The following OC90 variants were observed in gnomAD, a reference collection of about 807,000 sequenced individuals.
The protein encoded by OC90 is otoconin 90.
OC90 carries 46 observed loss-of-function variants against 47.3 expected under a neutral mutation model. The observed-to-expected ratio is 0.97, with a 90% CI of 0.77 to 1.24. The LOEUF (loss-of-function observed/expected upper bound fraction) is 1.24, where lower values mean the gene tolerates loss of function less well. Ranked by LOEUF, OC90 falls within the 50% of genes most tolerant of loss-of-function variation. OC90 has a pLI of 0.00. For missense variants in OC90, 688 were observed against 583.9 expected (o/e 1.18, Z -1.84); for synonymous variants, 271 against 219.5 (o/e 1.23, Z -2.07).
chr8:132,032,987 G>A, intron 11 of OC90, 52 bp downstream of exon 11: 1 of 1,582,542 alleles, frequency 6.3e-7, no homozygotes, highest in South Asian at 1.2e-5. Context: ...ATTGTTCACA[G>A]CCTCACCAAA....
At chr8:132,055,404 T>C (rs1823268939) in intron 1 of OC90, among the ~76,000 whole-genome samples, 2 of 152,190 alleles carry the variant, frequency 1.3e-5, no homozygotes, top group South Asian at 4.1e-4. Context: ...GGATTGAGGA[T>C]CCAGGAGTGC....
chr8:132,024,424 G>A lies in OC90; in HGVS notation c.*57C>T. On this transcript the variant is annotated 3_prime_UTR_variant, in exon 14 of 14. Coordinates refer to ENST00000254627, the MANE Select transcript of OC90 (RefSeq NM_001080399.3). Reference sequence around the variant, plus strand: ...GACAGAGGAGGCTGAGAGATAAAGAGCTGAAGGTGGAGCAGGAGCCACGCT... The same window carrying A: ...GACAGAGGAGGCTGAGAGATAAAGAACTGAAGGTGGAGCAGGAGCCACGCT... 1 of 1,327,404 alleles carries A rather than the reference G, an allele frequency of 7.5e-7. No individual in the cohort carries two copies. The highest frequency in any genetic ancestry group is 1.4e-5 in the South Asian group (1 of 69,222). 82.2% of individuals were successfully genotyped at this position (1,327,404 alleles called of 1,614,324 possible).
rs558668383 is a variant in OC90 at position 132,036,789 on chromosome 8, A to G, written c.679+649T>C. Among the ~76,000 whole-genome samples the G allele has an allele frequency of 2.4e-4, 37 of 152,338 alleles. No homozygotes were observed. The East Asian group carries it at 6.8e-3, about 28-fold the overall frequency. On this transcript the variant is annotated intron_variant, in intron 9 of 13. Coordinates refer to ENST00000254627, the MANE Select transcript of OC90 (RefSeq NM_001080399.3). ...TTAGACAATTCATCTCTGAATCTCG[A>G]TCACCTGTCTTAAAATGGAGGCTGT...
At chr8:132,026,227 G>A (rs564181265) in intron 13 of OC90, among the ~76,000 whole-genome samples, 2 of 152,054 alleles carry the variant, frequency 1.3e-5, no homozygotes, top group African/African-American at 2.4e-5. Flanking sequence ...ATCTTTGAAG[G>A]TTCTACACAT....
At chr8:132,050,354 G>A (rs890988871) in intron 2 of OC90, among the ~76,000 whole-genome samples, 1 of 152,144 alleles carries the variant, frequency 6.6e-6, no homozygotes, top group Non-Finnish European at 1.5e-5. Context: ...GATCCATGAA[G>A]ACTTGTTCAC....
chr8:132,031,891 C>A lies in OC90; in HGVS notation c.1021G>T (p.Asp341Tyr). ...GQEGRGEPRD[D>Y]LDRCCLSHHC... is the part of the protein sequence containing the mutation. ...GCTGGCTCTCCATACCTGTCTAGGT[C>A]ATCCCTTGGCTCGCCTCTTCCTTCT... is the stretch of plus-strand genomic sequence containing the variant. Residue 341 changes from aspartate (D) to tyrosine (Y), a missense_variant, in exon 12 of 14, where the codon GAC becomes TAC. Asp to Tyr is a radical substitution (Grantham distance 160). Transcript: ENST00000254627. The A allele has an allele frequency of 6.2e-7, 1 of 1,613,818 alleles. No individual in the cohort carries two copies. The highest frequency in any genetic ancestry group is 1.3e-5 in the African/African-American group (1 of 75,054).
intron 13 of OC90, 107 bp from the exon 14 acceptor site, chr8:132,024,883 C>A (rs1227262630): frequency 3.3e-6 from 3 of 916,406 alleles, no homozygotes; most frequent in African/African-American, 3.3e-5. Flanking sequence ...CCCCATCTTC[C>A]ACACACCTTC....
intron 2 of OC90, among the ~76,000 whole-genome samples, chr8:132,047,321 CA>C (rs1823146934): frequency 7.7e-6 from 1 of 130,294 alleles, no homozygotes; most frequent in Non-Finnish European, 1.6e-5. Context: ...TAAGTCAGCT[CA>C]CTTTTTTTTT....
intron 13 of OC90, among the ~76,000 whole-genome samples, chr8:132,026,037 T>C (rs1440397943): frequency 6.6e-6 from 1 of 152,248 alleles, no homozygotes; most frequent in Non-Finnish European, 1.5e-5. Flanking sequence ...TTTCAGTTAA[T>C]ACGTTTGAAT....
chr8:132,038,658 G>A, intron 8 of OC90, 132 bp downstream of exon 8: 1 of 732,738 alleles, frequency 1.4e-6, no homozygotes, highest in Non-Finnish European at 2.4e-6. Flanking sequence ...GCCAGAGAAG[G>A]CAGGACCACT....
intron 2 of OC90, among the ~76,000 whole-genome samples, chr8:132,046,279 A>G (rs1823132019): frequency 6.6e-6 from 1 of 152,052 alleles, no homozygotes; most frequent in Non-Finnish European, 1.5e-5. Flanking sequence ...ATATAATAAT[A>G]GAGAATAAGG....
At chr8:132,045,732 G>C in intron 3 of OC90, 86 bp downstream of exon 3, 1 of 758,942 alleles carries the variant, frequency 1.3e-6, no homozygotes, top group Non-Finnish European at 2.3e-6. Flanking sequence ...GTGGCTCTAG[G>C]GTGTATTCAG....
chr8:132,024,791 G>A lies in OC90; in HGVS notation c.1139-15C>T. On this transcript the variant is annotated splice_polypyrimidine_tract_variant and intron_variant, in intron 13 of 13. Transcript: ENST00000254627. ...TTGGCCCCCACCTTAGAAGGAAAGA[G>A]CAGAGTAGAAGCCATGAGACCTCTG... 1 of 1,602,860 alleles carries A rather than the reference G, an allele frequency of 6.2e-7. No homozygotes were observed. Among genetic ancestry groups the A allele is most frequent in the Non-Finnish European group, 8.5e-7 (1 of 1,174,024 alleles).
chr8:132,043,281 T>C (rs1377123353), intron 4 of OC90, among the ~76,000 whole-genome samples: 4 of 152,232 alleles, frequency 2.6e-5, no homozygotes, highest in African/African-American at 9.6e-5. Context: ...GTTTTGTCTG[T>C]TGTCCCATAG....
chr8:132,032,008 T>A lies in OC90; in HGVS notation c.904A>T (p.Met302Leu). The A allele has an allele frequency of 6.2e-7, 1 of 1,613,998 alleles. No homozygotes were observed. The highest frequency in any genetic ancestry group is 1.1e-5 in the South Asian group (1 of 91,076). ...TFLHLGSGDN[M>L]QVMPQLGEML... The stretch of plus-strand genomic sequence containing the variant: ...TCTCCAAGCTGTGGCATCACCTGCA[T>A]GTTGTCCCCACTTCCCAGGTGCAGG... The change falls in exon 12 of 14, where the codon ATG (methionine) becomes TTG (leucine). Residue 302 changes from methionine (M) to leucine (L), a missense_variant. By Grantham distance (15) the Met-to-Leu change is conservative. Coordinates refer to ENST00000254627, the MANE Select transcript of OC90 (RefSeq NM_001080399.3).
At chr8:132,058,322 G>C (rs1823301616) in intron 1 of OC90, among the ~76,000 whole-genome samples, 1 of 152,172 alleles carries the variant, frequency 6.6e-6, no homozygotes, top group Non-Finnish European at 1.5e-5. Flanking sequence ...CTGGAGGAAA[G>C]ACCTCCTTCT....
chr8:132,049,855 G>A (rs375632743), intron 2 of OC90: 23 of 518,018 alleles, frequency 4.4e-5, no homozygotes, highest in African/African-American at 2.5e-4. Context: ...AGATGATAAC[G>A]TCTTCAGCTG....
At chr8:132,035,824 G>A (rs1413826183) in intron 9 of OC90, among the ~76,000 whole-genome samples, 2 of 152,172 alleles carry the variant, frequency 1.3e-5, no homozygotes, top group African/African-American at 2.4e-5. Flanking sequence ...GTAAAATGAG[G>A]ATAGGCCTCC....
intron 10 of OC90, 117 bp downstream of exon 10, chr8:132,034,664 C>T: frequency 1.4e-6 from 1 of 694,828 alleles, no homozygotes; most frequent in Non-Finnish European, 2.5e-6. Context: ...CATCACCTCC[C>T]ATGCTGACAA....
Sources: gnomAD v4.1 joint callset for allele counts (sites outside exome capture counted in the v4.1 genomes callset) on GRCh38, gnomAD v4.1.1 for gene constraint, MANE v1.5 for transcripts, NCBI Gene and HGNC (gene_info 2026-07-23, HGNC 2026-07-21) for gene names.